DLG2: variants seen among roughly 807,000 people sequenced by gnomAD.
The protein encoded by DLG2 is disks large homolog 2.
Under a neutral mutation model 132.5 loss-of-function variants are expected in DLG2, and 45 were observed. The ratio of observed to expected loss-of-function variants is 0.34; its 90% CI spans 0.27 to 0.44. DLG2 has a LOEUF of 0.44. Ranked by LOEUF, DLG2 falls within the 20% of genes least tolerant of loss-of-function variation. DLG2 has a pLI of 1.00. For synonymous variants in DLG2, 424 were observed against 419.6 expected (o/e 1.01, Z -0.13); for missense variants, 1,045 against 1,196.9 (o/e 0.87, Z 1.87).
intron 7 of DLG2, among the ~76,000 whole-genome samples, chr11:84,377,601 G>T (rs1457637396): frequency 1.3e-5 from 2 of 151,926 alleles, no homozygotes; most frequent in African/African-American, 4.8e-5. Flanking sequence ...AACATAAAAA[G>T]AAAGAAGAAG....
intron 3 of DLG2, among the ~76,000 whole-genome samples, chr11:85,373,561 T>C (rs929533363): frequency 3.3e-5 from 5 of 152,084 alleles, no homozygotes; most frequent in South Asian, 2.1e-4. Context: ...AGCCTGCCCA[T>C]TGGGGTGGAG....
chr11:84,159,538 C>T (rs573911770), intron 9 of DLG2, among the ~76,000 whole-genome samples: 16 of 152,178 alleles, frequency 1.1e-4, no homozygotes, highest in South Asian at 2.1e-4. Flanking sequence ...TCAAGGTCAC[C>T]GTGGCTAGAG....
At chr11:83,986,048 A>AT (rs954264883) in intron 11 of DLG2, among the ~76,000 whole-genome samples, 5 of 151,332 alleles carry the variant, frequency 3.3e-5, no homozygotes, top group African/African-American at 9.7e-5. Context: ...AAACCAATAG[A>AT]TTTTTTTATT....
chr11:84,363,983 G>GGT (rs201350436), intron 7 of DLG2, among the ~76,000 whole-genome samples: 3,224 of 152,220 alleles, frequency 0.021, 48 homozygotes, highest in Non-Finnish European at 0.034. Flanking sequence ...GGATTGACTT[G>GGT]GTGATGAGGG....
intron 18 of DLG2, among the ~76,000 whole-genome samples, chr11:83,643,910 G>C (rs2067335206): frequency 6.6e-6 from 1 of 151,114 alleles, no homozygotes; most frequent in South Asian, 2.1e-4. Flanking sequence ...TTTTGTTCCT[G>C]ACATGAACAT....
At chr11:84,559,891 T>C (rs1351745972) in intron 6 of DLG2, among the ~76,000 whole-genome samples, 1 of 152,102 alleles carries the variant, frequency 6.6e-6, no homozygotes, top group Non-Finnish European at 1.5e-5. Context: ...TACAAGAAAA[T>C]GGGCTATGCT....
chr11:85,422,270 C>T (rs993419756), intron 3 of DLG2, among the ~76,000 whole-genome samples: 1 of 152,178 alleles, frequency 6.6e-6, no homozygotes, highest in African/African-American at 2.4e-5. Context: ...GATTATTCCT[C>T]TAAATATGCT....
intron 19 of DLG2, among the ~76,000 whole-genome samples, chr11:83,574,958 C>A (rs2096852016): frequency 6.6e-6 from 1 of 152,148 alleles, no homozygotes; most frequent in Non-Finnish European, 1.5e-5. Flanking sequence ...AAAAAAGTAG[C>A]AGATGAAAAG....
chr11:85,368,907 C>T (rs959119001), intron 3 of DLG2, among the ~76,000 whole-genome samples: 1 of 152,202 alleles, frequency 6.6e-6, no homozygotes, highest in African/African-American at 2.4e-5. Flanking sequence ...GCCTGGGATT[C>T]AGGCAGTGGG....
chr11:83,612,365 T>C (rs1261918050), intron 19 of DLG2, among the ~76,000 whole-genome samples: 1 of 152,218 alleles, frequency 6.6e-6, no homozygotes, highest in Non-Finnish European at 1.5e-5. Flanking sequence ...GTGTAGGGAT[T>C]AAATAAGGTT....
chr11:84,903,974 G>A (rs1411075592), intron 6 of DLG2, among the ~76,000 whole-genome samples: 1 of 151,988 alleles, frequency 6.6e-6, no homozygotes, highest in Non-Finnish European at 1.5e-5. Flanking sequence ...TTTACAAATG[G>A]AGAAATACAA....
At chr11:84,858,323 T>A (rs75748973) in intron 6 of DLG2, among the ~76,000 whole-genome samples, 7,955 of 149,374 alleles carry the variant, frequency 0.053, 400 homozygotes, top group East Asian at 0.26. Flanking sequence ...AGTCTGATTT[T>A]AAAAAAAAAA....
chr11:84,696,876 T>C (rs2058672237), intron 6 of DLG2, among the ~76,000 whole-genome samples: 1 of 151,432 alleles, frequency 6.6e-6, no homozygotes, highest in Non-Finnish European at 1.5e-5. Flanking sequence ...AATTTCCAAG[T>C]GGCATAGGTA....
chr11:83,975,727 A>C lies in DLG2; in HGVS notation c.1056+4779T>G, dbSNP rs116989177. 8.6e-3 allele frequency among the ~76,000 whole-genome samples: 1,305 copies of C among 152,078 alleles called. 8 individuals are homozygous for C. Among genetic ancestry groups the C allele is most frequent in the Middle Eastern group, 0.027 (8 of 294 alleles). ...AGAGAGAAAAGGTCTAAAACATCCT[A>C]AAAAACTGAGAAGTGGAGAAGTGGA... On this transcript the variant is annotated intron_variant, in intron 12 of 27. Coordinates refer to ENST00000376104, the MANE Select transcript of DLG2 (RefSeq NM_001142699.3).
intron 3 of DLG2, among the ~76,000 whole-genome samples, chr11:85,302,307 C>CTT (rs5793160): frequency 0.89 from 135,117 of 152,106 alleles, 60,320 homozygotes; most frequent in Non-Finnish European, 0.93. Context: ...AAAGAAATAA[C>CTT]ATATTTTACT....
chr11:84,121,883 T>G (rs1479969636), intron 9 of DLG2, among the ~76,000 whole-genome samples: 2 of 152,004 alleles, frequency 1.3e-5, no homozygotes, highest in Admixed American at 1.3e-4. Flanking sequence ...CTTTTAAAGA[T>G]AATATGTATA....
intron 3 of DLG2, among the ~76,000 whole-genome samples, chr11:85,510,244 G>C (rs2094029283): frequency 6.6e-6 from 1 of 151,932 alleles, no homozygotes. Context: ...AAAGAGGTAG[G>C]CAGAAGTCAT....
intron 6 of DLG2, among the ~76,000 whole-genome samples, chr11:84,798,867 T>G (rs1416018350): frequency 6.6e-6 from 1 of 152,152 alleles, no homozygotes; most frequent in Admixed American, 6.5e-5. Flanking sequence ...AGAAATGTTG[T>G]CTGGGAGCTC....
intron 3 of DLG2, among the ~76,000 whole-genome samples, chr11:85,348,348 G>A (rs574818068): frequency 4.7e-4 from 71 of 151,334 alleles, no homozygotes; most frequent in African/African-American, 1.7e-3. Flanking sequence ...TCAGCCTCCT[G>A]AGTGGCTGGG....
Sources: gnomAD v4.1 joint callset for allele counts (sites outside exome capture counted in the v4.1 genomes callset) on GRCh38, gnomAD v4.1.1 for gene constraint, MANE v1.5 for transcripts, NCBI Gene and HGNC (gene_info 2026-07-23, HGNC 2026-07-21) for gene names.